The following KITLG variants were observed in gnomAD, a reference collection of about 807,000 sequenced individuals.
KITLG encodes the protein c-Kit ligand.
In KITLG, 13 loss-of-function variants were observed where a neutral mutation model predicts 34.1. That is an observed-to-expected ratio of 0.38 (90% CI 0.25 to 0.61). The LOEUF is 0.61. Among genes scored for constraint, KITLG ranks in the 20% least tolerant of loss-of-function variants. The pLI is 0.60. For missense variants in KITLG, 292 were observed against 318.9 expected (o/e 0.92, Z 0.64); for synonymous variants, 110 against 104.0 (o/e 1.06, Z -0.35).
intron 9 of KITLG, among the ~76,000 whole-genome samples, chr12:88,501,668 C>G (rs909473592): frequency 6.6e-6 from 1 of 152,166 alleles, no homozygotes; most frequent in African/African-American, 2.4e-5. Context: ...TTGGGGTTTT[C>G]AGATTCTGAG....
intron 1 of KITLG, among the ~76,000 whole-genome samples, chr12:88,569,841 C>T (rs1368117317): frequency 6.6e-6 from 1 of 152,112 alleles, no homozygotes; most frequent in East Asian, 1.9e-4. Flanking sequence ...TAAGGTTGTG[C>T]TGACAATCAC....
intron 6 of KITLG, among the ~76,000 whole-genome samples, chr12:88,513,339 A>T (rs1285120637): frequency 1.3e-5 from 2 of 151,748 alleles, no homozygotes; most frequent in East Asian, 3.8e-4. Context: ...TAACCAAAAA[A>T]AAAGGGCTAG....
chr12:88,505,429 A>G (rs1300163008), intron 8 of KITLG, among the ~76,000 whole-genome samples, 194 bp from the exon 9 acceptor site: 1 of 152,218 alleles, frequency 6.6e-6, no homozygotes, highest in Non-Finnish European at 1.5e-5. Context: ...AGTCTTTCCA[A>G]GTAGTTAAAA....
intron 1 of KITLG, among the ~76,000 whole-genome samples, chr12:88,553,985 G>C (rs1871013636): frequency 6.6e-6 from 1 of 152,126 alleles, no homozygotes; most frequent in South Asian, 2.1e-4. Flanking sequence ...TTTTTGTTGA[G>C]AACAAACATC....
intron 3 of KITLG, among the ~76,000 whole-genome samples, chr12:88,532,171 G>A (rs770533445): frequency 6.6e-6 from 1 of 151,956 alleles, no homozygotes; most frequent in Non-Finnish European, 1.5e-5. Flanking sequence ...AGGATGGAGG[G>A]TCGGAAGGTG....
At chr12:88,521,933 CTGACTCAATGATAT>C (rs1231301957) in intron 3 of KITLG, among the ~76,000 whole-genome samples, 2 of 152,130 alleles carry the variant, frequency 1.3e-5, no homozygotes, top group Admixed American at 6.5e-5. Context: ...AGAATCCAAA[CTGACTCAATGATAT>C]TGACTCAATG....
At chr12:88,502,401 T>C (rs1868895989) in intron 9 of KITLG, among the ~76,000 whole-genome samples, 1 of 152,172 alleles carries the variant, frequency 6.6e-6, no homozygotes, top group South Asian at 2.1e-4. Flanking sequence ...ACACAAAAGA[T>C]AAAAACAAAC....
chr12:88,501,064 G>A (rs1211349575), intron 9 of KITLG, among the ~76,000 whole-genome samples: 6 of 152,162 alleles, frequency 3.9e-5, no homozygotes, highest in Non-Finnish European at 8.8e-5. Flanking sequence ...ACAGGAATGA[G>A]CTACCACTCC....
chr12:88,549,819 C>T (rs2407205), intron 1 of KITLG, among the ~76,000 whole-genome samples: 12 of 152,032 alleles, frequency 7.9e-5, no homozygotes, highest in Non-Finnish European at 1.0e-4. Context: ...CAAAGAACTG[C>T]GCATGCTATG....
chr12:88,563,795 T>C (rs746727538), intron 1 of KITLG, among the ~76,000 whole-genome samples: 3 of 152,086 alleles, frequency 2.0e-5, no homozygotes, highest in Non-Finnish European at 4.4e-5. Flanking sequence ...ACCCCACCTC[T>C]ACTAAAAATA....
intron 2 of KITLG, among the ~76,000 whole-genome samples, chr12:88,539,701 T>C (rs140324448): frequency 6.6e-6 from 1 of 152,210 alleles, no homozygotes; most frequent in Non-Finnish European, 1.5e-5. Flanking sequence ...GTGAGAGGAT[T>C]GCTTAAAGCC....
intron 2 of KITLG, among the ~76,000 whole-genome samples, chr12:88,543,573 T>A (rs1870598677): frequency 6.6e-6 from 1 of 152,080 alleles, no homozygotes; most frequent in Admixed American, 6.6e-5. Flanking sequence ...TACCCATAAT[T>A]TTCATCAGCA....
intron 2 of KITLG, among the ~76,000 whole-genome samples, chr12:88,534,289 A>G (rs1870220907): frequency 6.6e-6 from 1 of 152,054 alleles, no homozygotes; most frequent in Non-Finnish European, 1.5e-5. Flanking sequence ...CCCTCTGGGC[A>G]CTTGTTCTGG....
At chr12:88,511,422 T>C (rs139747243) in intron 6 of KITLG, among the ~76,000 whole-genome samples, 3 of 152,206 alleles carry the variant, frequency 2.0e-5, no homozygotes, top group East Asian at 1.9e-4. Context: ...CACTTTCAGA[T>C]TGAGGTGTGG....
Position 88,492,837 on chromosome 12 carries a change from A to G in KITLG, c.*4382T>C, listed in dbSNP as rs1243959375. On this transcript the variant is annotated 3_prime_UTR_variant, in exon 10 of 10. Transcript: ENST00000644744. ...TTATTTAGAACAATAAAGTATATGT[A>G]TATATCATGTAATTTTAAATTCAAA... 1 of 152,446 alleles carries G rather than the reference A, an allele frequency of 6.6e-6. No homozygotes were observed. Among genetic ancestry groups the G allele is most frequent in the Non-Finnish European group, 1.5e-5 (1 of 67,928 alleles). 9.4% of individuals were successfully genotyped at this position (152,446 alleles called of 1,614,324 possible). A position where few individuals can be genotyped will look rare whatever the true frequency, so the allele number is the denominator to read the frequency against.
intron 4 of KITLG, 114 bp downstream of exon 4, chr12:88,518,583 T>C (rs1000414189): frequency 2.5e-5 from 21 of 831,278 alleles, no homozygotes; most frequent in Non-Finnish European, 3.9e-5. Context: ...AAATTTGAAG[T>C]TTATACAATC....
intron 1 of KITLG, among the ~76,000 whole-genome samples, chr12:88,576,924 C>T (rs1871848468): frequency 6.6e-6 from 1 of 152,014 alleles, no homozygotes; most frequent in Non-Finnish European, 1.5e-5. Flanking sequence ...TTGCTATCTT[C>T]AAATCAGCAG....
intron 4 of KITLG, among the ~76,000 whole-genome samples, chr12:88,518,052 C>T (rs1478723552): frequency 1.3e-5 from 2 of 152,204 alleles, no homozygotes; most frequent in South Asian, 2.1e-4. Flanking sequence ...TTAAAGTACT[C>T]ATGGCAAATA....
At chr12:88,579,483 C>T (rs1305868124) in intron 1 of KITLG, among the ~76,000 whole-genome samples, 2 of 152,090 alleles carry the variant, frequency 1.3e-5, no homozygotes, top group South Asian at 4.2e-4. Flanking sequence ...ATCTAATTGT[C>T]CCCCCAGGCA....
Sources: allele counts gnomAD v4.1 joint callset (sites outside exome capture counted in the v4.1 genomes callset), GRCh38; gene constraint gnomAD v4.1.1; transcripts MANE v1.5; gene names NCBI Gene and HGNC (gene_info 2026-07-23, HGNC 2026-07-21).